Variants in TTC17 observed in about 807,000 individuals in gnomAD.
TTC17 encodes tetratricopeptide repeat domain 17, also known as tetratricopeptide repeat protein 17.
In TTC17, 58 loss-of-function variants were observed where a neutral mutation model predicts 143.8. The ratio of observed to expected loss-of-function variants is 0.40; its 90% CI spans 0.33 to 0.50. The LOEUF is 0.50. TTC17 is among the 20% of genes least tolerant of loss of function. TTC17 has a pLI of 0.49. For synonymous variants in TTC17, 501 were observed against 497.8 expected, an observed-to-expected ratio of 1.01 and a Z score of -0.09; for missense variants, 1,273 against 1,392.5, an observed-to-expected ratio of 0.91 and a Z score of 1.37.
At position 43,397,996 on chromosome 11, in the gene TTC17, C is replaced by A; in HGVS notation, c.941C>A (p.Ser314Ter). The A allele has an allele frequency of 6.2e-7, 1 of 1,612,284 alleles. No homozygotes were observed. The highest frequency in any genetic ancestry group is 8.5e-7 in the Non-Finnish European group (1 of 1,179,562). ...IYAMLGEYNH[S>*]VLCYDHALQA... is the part of the protein sequence containing the mutation. The stretch of plus-strand genomic sequence containing the variant: ...CAGATGCTTGGGGAATATAACCACT[C>A]AGTGCTCTGTTATGACCACGCTTTG... Residue 314 changes from serine (S) to a stop codon, truncating the protein, a stop_gained, in exon 8 of 24, where the codon TCA becomes TAA. Coordinates refer to ENST00000039989, the MANE Select transcript of TTC17 (RefSeq NM_018259.6). LOFTEE classifies it high-confidence loss of function.
At chr11:43,389,363 G>C (rs551247705) in intron 2 of TTC17, among the ~76,000 whole-genome samples, 1 of 152,166 alleles carries the variant, frequency 6.6e-6, no homozygotes, top group African/African-American at 2.4e-5. Context: ...GCCATTTTGT[G>C]CCAGGAAAGT....
intron 21 of TTC17, among the ~76,000 whole-genome samples, chr11:43,465,546 G>A (rs915592833): frequency 2.0e-5 from 3 of 152,148 alleles, no homozygotes; most frequent in African/African-American, 7.2e-5. Flanking sequence ...GGATATTCTA[G>A]AGCTGAGAAT....
chr11:43,488,197 A>G (rs892588719), intron 21 of TTC17, among the ~76,000 whole-genome samples: 6 of 152,202 alleles, frequency 3.9e-5, no homozygotes, highest in African/African-American at 1.4e-4. Context: ...ACCACTGATT[A>G]TATTCAGCTG....
At chr11:43,407,840 A>G (rs1232265848) in intron 15 of TTC17, among the ~76,000 whole-genome samples, 2 of 151,674 alleles carry the variant, frequency 1.3e-5, no homozygotes, top group African/African-American at 4.8e-5. Flanking sequence ...CATAAGCTGT[A>G]AAAATATACT....
chr11:43,443,427 C>T lies in TTC17; in HGVS notation c.2354C>T (p.Ala785Val). 2 of 1,614,072 alleles carry T rather than the reference C, an allele frequency of 1.2e-6. No homozygotes were observed. Among genetic ancestry groups the T allele is most frequent in the Non-Finnish European group, 1.7e-6 (2 of 1,179,992 alleles). The stretch of plus-strand genomic sequence containing the variant: ...GCTTTGGTGGATGAATTTCAACAGG[C>T]ATGGCCTTTGGAAGGCTTTGGGGGT... The part of the protein sequence containing the change: ...ILALVDEFQQ[A>V]WPLEGFGGAL... The change falls in exon 17 of 24, where the codon GCA becomes GTA. Residue 785 changes from alanine to valine, a missense_variant. Around this residue, in one of 3 missense-constraint regions of TTC17, gnomAD observed 878 missense variants for 899.8 expected, o/e 0.98. Transcript: ENST00000039989.
chr11:43,407,530 G>A lies in TTC17; in HGVS notation c.2017G>A (p.Asp673Asn). ...NLLIHYGLHL[D>N]ATKLLLQALA... ...TTTGATTCATTACGGCCTTCATCTT[G>A]ATGCCACTAAGCTGCTACTTCAAGC... The change falls in exon 15 of 24, where the codon GAT becomes AAT. Residue 673 changes from aspartate (D) to asparagine (N), a missense_variant. Asp to Asn is a conservative substitution (Grantham distance 23). This residue lies in a region of TTC17 where 878 missense variants were observed against 899.8 expected (regional missense o/e 0.98). Coordinates refer to ENST00000039989, the MANE Select transcript of TTC17 (RefSeq NM_018259.6). 6.2e-7 allele frequency: 1 copy of A among 1,613,914 alleles called. No individual in the cohort carries two copies. Among genetic ancestry groups the A allele is most frequent in the East Asian group, 2.2e-5 (1 of 44,854 alleles).
At chr11:43,441,516 T>G (rs1454994740) in intron 16 of TTC17, among the ~76,000 whole-genome samples, 1 of 152,224 alleles carries the variant, frequency 6.6e-6, no homozygotes, top group Admixed American at 6.5e-5. Context: ...ACTTTCCATT[T>G]TTTTTTGTTC....
chr11:43,398,775 GTTTAC>G (rs569725771), intron 8 of TTC17, among the ~76,000 whole-genome samples: 43 of 152,292 alleles, frequency 2.8e-4, no homozygotes, highest in Middle Eastern at 3.4e-3. Context: ...TAATATTTGA[GTTTAC>G]TTTGGTTAGT....
intron 18 of TTC17, 151 bp downstream of exon 18, chr11:43,444,360 G>A: frequency 3.1e-6 from 2 of 655,174 alleles, no homozygotes; most frequent in Non-Finnish European, 4.6e-6. Context: ...CTGTATCAAT[G>A]AAAAAAATGT....
At chr11:43,411,450 C>T (rs139299185) in intron 15 of TTC17, among the ~76,000 whole-genome samples, 1 of 146,664 alleles carries the variant, frequency 6.8e-6, no homozygotes, top group African/African-American at 2.5e-5. Flanking sequence ...TCTAGTGCTA[C>T]CTTTATTTCT....
intron 1 of TTC17, among the ~76,000 whole-genome samples, chr11:43,365,189 C>T (rs1856284451): frequency 6.6e-6 from 1 of 152,188 alleles, no homozygotes; most frequent in South Asian, 2.1e-4. Flanking sequence ...TGACCTTGAA[C>T]TCCTAGGCTC....
At chr11:43,383,976 TC>T (rs1857073779) in intron 2 of TTC17, among the ~76,000 whole-genome samples, 1 of 151,738 alleles carries the variant, frequency 6.6e-6, no homozygotes, top group African/African-American at 2.4e-5. Flanking sequence ...AGACCCTGTC[TC>T]TACAAAATAA....
chr11:43,378,284 T>C (rs1238379437), intron 1 of TTC17, among the ~76,000 whole-genome samples: 1 of 152,242 alleles, frequency 6.6e-6, no homozygotes, highest in East Asian at 1.9e-4. Flanking sequence ...AAAAATCTCA[T>C]TTAAAAATAC....
At chr11:43,471,570 A>G (rs1253019625) in intron 21 of TTC17, among the ~76,000 whole-genome samples, 1 of 152,222 alleles carries the variant, frequency 6.6e-6, no homozygotes, top group Non-Finnish European at 1.5e-5. Flanking sequence ...AGGAGTGGAC[A>G]GCTTCTCTCA....
intron 15 of TTC17, among the ~76,000 whole-genome samples, chr11:43,409,322 T>G (rs1448304688): frequency 6.6e-6 from 1 of 152,206 alleles, no homozygotes; most frequent in Non-Finnish European, 1.5e-5. Context: ...CCTTAAAGAT[T>G]GTTAGCAGTG....
intron 17 of TTC17, 129 bp downstream of exon 17, chr11:43,443,713 A>G: frequency 8.2e-7 from 1 of 1,224,642 alleles, no homozygotes. Flanking sequence ...CAGCCTTCAC[A>G]TTGGAATTTT....
chr11:43,420,206 A>G (rs1946870014), intron 16 of TTC17, among the ~76,000 whole-genome samples: 1 of 152,142 alleles, frequency 6.6e-6, no homozygotes, highest in Admixed American at 6.6e-5. Flanking sequence ...AGCTGAAACT[A>G]AAAAGTGAGT....
chr11:43,489,536 G>C (rs144412067), intron 21 of TTC17, among the ~76,000 whole-genome samples: 1 of 152,068 alleles, frequency 6.6e-6, no homozygotes, highest in South Asian at 2.1e-4. Flanking sequence ...TCATGAGTTC[G>C]AGACCAGCCT....
intron 1 of TTC17, among the ~76,000 whole-genome samples, chr11:43,375,987 A>G (rs1166848445): frequency 6.6e-6 from 1 of 152,230 alleles, no homozygotes; most frequent in Non-Finnish European, 1.5e-5. Flanking sequence ...AGCAACAAAT[A>G]ACATGAACAT....
Sources: allele counts gnomAD v4.1 joint callset (sites outside exome capture counted in the v4.1 genomes callset), GRCh38; gene constraint gnomAD v4.1.1; regional missense constraint gnomAD v4.1.1; transcripts MANE v1.5; gene names NCBI Gene and HGNC (gene_info 2026-07-23, HGNC 2026-07-21).